Variants in MREG observed in about 807,000 individuals in gnomAD.
The protein encoded by MREG is dilute suppressor protein homolog.
In MREG, 31 loss-of-function variants were observed where a neutral mutation model predicts 28.5. The observed-to-expected ratio is 1.09, with a 90% CI of 0.82 to 1.47. The LOEUF (loss-of-function observed/expected upper bound fraction) is 1.47, where lower values mean the gene tolerates loss of function less well. Among genes scored for constraint, MREG ranks in the 40% most tolerant of loss-of-function variants. The probability of loss-of-function intolerance (pLI) is 0.00; values close to 1 mark genes in which losing one functional copy is unlikely to be tolerated. For synonymous variants in MREG, 106 were observed against 95.2 expected, an observed-to-expected ratio of 1.11 and a Z score of -0.66; for missense variants, 256 against 257.4, an observed-to-expected ratio of 0.99 and a Z score of 0.04.
intron 4 of MREG, 139 bp from the exon 5 acceptor site, chr2:215,945,136 C>T (rs1228831240): frequency 2.2e-6 from 2 of 904,102 alleles, no homozygotes; most frequent in Middle Eastern, 2.3e-4. Flanking sequence ...TAATTTTTTC[C>T]TAACAAATGT....
intron 1 of MREG, among the ~76,000 whole-genome samples, chr2:216,030,016 C>T: frequency 6.6e-6 from 1 of 151,968 alleles, no homozygotes; most frequent in East Asian, 1.9e-4. Context: ...CACTGTGAGC[C>T]CCATCTTTGT....
rs933254577 is a variant in MREG, at chr2:215,946,904, A to C, written c.346+119T>G. The C allele has an allele frequency of 6.1e-6, 4 of 660,442 alleles. No individual in the cohort carries two copies. In the Admixed American group the frequency reaches 9.7e-5, roughly 16 times the overall value. 40.9% of individuals were successfully genotyped at this position (660,442 alleles called of 1,614,324 possible). ...GCAAGATTGGGAGAATAATTAGTACACAGTAGTCTTAATTAGGCAATTATT... is the reference window on the plus strand; with the variant it reads ...GCAAGATTGGGAGAATAATTAGTACCCAGTAGTCTTAATTAGGCAATTATT... On this transcript the variant is annotated intron_variant, in intron 3 of 4. Coordinates refer to ENST00000263268, the MANE Select transcript of MREG (RefSeq NM_018000.3).
chr2:216,031,581 AAGAAGGAAAGAAAAG>A (rs1395767731), intron 1 of MREG, among the ~76,000 whole-genome samples: 2 of 140,756 alleles, frequency 1.4e-5, no homozygotes, highest in Admixed American at 1.4e-4. Context: ...GAAGGAAAGA[AAGAAGGAAAGAAAAG>A]AAGGAAAGAA....
At chr2:215,993,860 GAGATACCATCTCATGCCAGTT>G (rs1461232347) in intron 2 of MREG, among the ~76,000 whole-genome samples, 2 of 152,200 alleles carry the variant, frequency 1.3e-5, no homozygotes, top group Non-Finnish European at 2.9e-5. Flanking sequence ...AAACTACAAT[GAGATACCATCTCATGCCAGTT>G]AGAATGGCGA....
At chr2:216,014,721 T>C (rs1406605556), upstream of MREG, among the ~76,000 whole-genome samples, 2 of 152,160 alleles carry the variant, frequency 1.3e-5, no homozygotes, top group East Asian at 1.9e-4. Context: ...TGCTGGGTCA[T>C]TGGTCAGGTG....
At chr2:215,954,711 T>TA (rs1692578875) in intron 2 of MREG, among the ~76,000 whole-genome samples, 1 of 152,098 alleles carries the variant, frequency 6.6e-6, no homozygotes, top group Non-Finnish European at 1.5e-5. Flanking sequence ...ATTTTATTTT[T>TA]TTTTTTTTAG....
chr2:216,023,587 A>G (rs1694555820), intron 1 of MREG, among the ~76,000 whole-genome samples: 1 of 152,214 alleles, frequency 6.6e-6, no homozygotes, highest in Admixed American at 6.5e-5. Context: ...GAAAGTGTAT[A>G]GGCCACTAGA....
intron 3 of MREG, among the ~76,000 whole-genome samples, chr2:215,946,233 T>A (rs1433913158): frequency 1.3e-5 from 2 of 150,974 alleles, no homozygotes; most frequent in African/African-American, 4.9e-5. Context: ...TAACTTTCAT[T>A]GTTTAAAAAA....
intron 1 of MREG, among the ~76,000 whole-genome samples, chr2:216,031,910 C>T (rs1183004542): frequency 6.6e-6 from 1 of 152,190 alleles, no homozygotes; most frequent in Non-Finnish European, 1.5e-5. Context: ...TCTAATTGAA[C>T]CTCTCTACTT....
chr2:215,962,977 T>C (rs1193801935), intron 2 of MREG, among the ~76,000 whole-genome samples: 1 of 151,832 alleles, frequency 6.6e-6, no homozygotes, highest in African/African-American at 2.4e-5. Context: ...CCCTACAAAA[T>C]ATACAAAAGG....
intron 2 of MREG, among the ~76,000 whole-genome samples, chr2:215,959,330 A>G (rs951131863): frequency 6.1e-5 from 2 of 32,726 alleles, no homozygotes; most frequent in Admixed American, 3.1e-4. Flanking sequence ...GATGAGCCCA[A>G]TCAGACTCCA....
At chr2:215,956,687 C>CA (rs1373091087) in intron 2 of MREG, among the ~76,000 whole-genome samples, 4 of 152,220 alleles carry the variant, frequency 2.6e-5, no homozygotes, top group South Asian at 2.1e-4. Flanking sequence ...TACAGGTGTG[C>CA]ATCACCACAT....
chr2:216,001,479 G>A lies in MREG; in HGVS notation c.96-5014C>T, dbSNP rs573758744. 2.6e-5 allele frequency among the ~76,000 whole-genome samples: 4 copies of A among 152,294 alleles called. No individual in the cohort carries two copies. In the South Asian group the frequency reaches 8.3e-4, roughly 32 times the overall value. On this transcript the variant is annotated intron_variant, in intron 1 of 4. Coordinates refer to ENST00000263268, the MANE Select transcript of MREG (RefSeq NM_018000.3). Reference sequence around the variant, plus strand: ...GCGAGCTCCTGGGCCCTCCCCAGCAGGATCTGACCTGCTCGTGGCTACGAA... The same window carrying A: ...GCGAGCTCCTGGGCCCTCCCCAGCAAGATCTGACCTGCTCGTGGCTACGAA...
intron 2 of MREG, among the ~76,000 whole-genome samples, chr2:215,954,483 C>CACACACAA (rs3220063): frequency 4.6e-5 from 7 of 150,904 alleles, no homozygotes; most frequent in Non-Finnish European, 7.4e-5. Context: ...CACACACACA[C>CACACACAA]AAAACAACCA....
rs143739098 is a variant in MREG, at chr2:215,959,685, A to G, written c.256-12572T>C. Among the ~76,000 whole-genome samples the G allele has an allele frequency of 2.4e-3, 371 of 152,258 alleles. 4 individuals carry two copies. The highest frequency in any genetic ancestry group is 0.01 in the Middle Eastern group (3 of 294). ...TCTGACCTTTCTGGTCTTGTTCCCA[A>G]TGACAGCCCTCCACACAGAGTCTGC... On this transcript the variant is annotated intron_variant, in intron 2 of 4. Transcript: ENST00000263268.
chr2:216,002,193 G>A (rs1011118973), intron 1 of MREG, among the ~76,000 whole-genome samples: 19 of 152,176 alleles, frequency 1.2e-4, no homozygotes, highest in African/African-American at 4.3e-4. Context: ...TCAAAAGGTA[G>A]GGTAAGATTT....
chr2:215,996,670 A>G (rs891244904), intron 1 of MREG, among the ~76,000 whole-genome samples: 1 of 152,246 alleles, frequency 6.6e-6, no homozygotes, highest in Non-Finnish European at 1.5e-5. Flanking sequence ...AAATCACTTT[A>G]AAAAGAACAG....
intron 2 of MREG, among the ~76,000 whole-genome samples, chr2:215,976,730 T>A (rs1381212954): frequency 6.6e-6 from 1 of 152,184 alleles, no homozygotes; most frequent in East Asian, 1.9e-4. Flanking sequence ...ATATTCAACA[T>A]TCTTAAAGAA....
chr2:215,957,377 C>A lies in MREG; in HGVS notation c.256-10264G>T, dbSNP rs557495964. 2.0e-5 allele frequency among the ~76,000 whole-genome samples: 3 copies of A among 152,278 alleles called. No individual in the cohort carries two copies. In the East Asian group the frequency reaches 5.8e-4, roughly 29 times the overall value. The stretch of plus-strand genomic sequence containing the variant: ...TGGGTACTTCAGTGCTCCTCTTCCT[C>A]CTCAGAGCCAGTGGCAGGACCCTCC... On this transcript the variant is annotated intron_variant, in intron 2 of 4. Coordinates refer to ENST00000263268, the MANE Select transcript of MREG (RefSeq NM_018000.3).
Sources: gnomAD v4.1 joint callset for allele counts (sites outside exome capture counted in the v4.1 genomes callset) on GRCh38, gnomAD v4.1.1 for gene constraint, MANE v1.5 for transcripts, NCBI Gene and HGNC (gene_info 2026-07-23, HGNC 2026-07-21) for gene names.